The following ASIC2 variants were observed in gnomAD, a reference collection of about 807,000 sequenced individuals.
ASIC2 encodes acid sensing ion channel subunit 2.
ASIC2 carries 25 observed loss-of-function variants against 57.3 expected under a neutral mutation model. The observed-to-expected ratio is 0.44, with a 90% confidence interval of 0.32 to 0.61. The LOEUF (loss-of-function observed/expected upper bound fraction) is 0.61, where lower values mean the gene tolerates loss of function less well. ASIC2 is among the 20% of genes least tolerant of loss of function. ASIC2 has a pLI of 0.06. For missense variants in ASIC2, 641 were observed against 738.1 expected (o/e 0.87, Z 1.52); for synonymous variants, 319 against 307.5 (o/e 1.04, Z -0.39).
intron 1 of ASIC2, among the ~76,000 whole-genome samples, chr17:33,407,526 G>T (rs1325315221): frequency 6.6e-6 from 1 of 151,916 alleles, no homozygotes; most frequent in African/African-American, 2.4e-5. Context: ...CATCACTCAG[G>T]GCAAGTATGG....
intron 1 of ASIC2, among the ~76,000 whole-genome samples, chr17:33,437,069 G>T (rs1911649119): frequency 6.6e-6 from 1 of 151,208 alleles, no homozygotes; most frequent in South Asian, 2.1e-4. Flanking sequence ...GTTTCACCGT[G>T]TTAGCCAGGA....
At chr17:33,251,980 G>T (rs1908900053) in intron 1 of ASIC2, among the ~76,000 whole-genome samples, 1 of 152,188 alleles carries the variant, frequency 6.6e-6, no homozygotes, top group African/African-American at 2.4e-5. Flanking sequence ...CATGAACCCT[G>T]TGAGGTAAGC....
intron 1 of ASIC2, among the ~76,000 whole-genome samples, chr17:33,157,292 C>T (rs1000193911): frequency 6.6e-6 from 1 of 152,208 alleles, no homozygotes; most frequent in Non-Finnish European, 1.5e-5. Flanking sequence ...AGTTTTATTT[C>T]AGGCCAGCCT....
At chr17:33,607,966 A>G (rs913803005) in intron 1 of ASIC2, among the ~76,000 whole-genome samples, 20 of 152,166 alleles carry the variant, frequency 1.3e-4, no homozygotes, top group African/African-American at 3.9e-4. Flanking sequence ...TTTGCCTTCA[A>G]CCTAAAGGAT....
At chr17:34,013,970 G>A (rs955993270) in intron 1 of ASIC2, among the ~76,000 whole-genome samples, 2 of 152,150 alleles carry the variant, frequency 1.3e-5, no homozygotes, top group African/African-American at 4.8e-5. Context: ...GAGTCTGCCA[G>A]TCTATCCGGC....
intron 1 of ASIC2, among the ~76,000 whole-genome samples, chr17:33,388,905 G>A (rs541830357): frequency 3.2e-4 from 49 of 152,236 alleles, no homozygotes; most frequent in Non-Finnish European, 4.3e-4. Context: ...TGGCCTCTGC[G>A]GCCACATCAG....
chr17:33,520,509 C>T (rs12941035), intron 1 of ASIC2, among the ~76,000 whole-genome samples: 43,247 of 152,136 alleles, frequency 0.28, 7,778 homozygotes, highest in Non-Finnish European at 0.39. Context: ...GGTGAATGGC[C>T]ACCTGGGATT....
intron 1 of ASIC2, among the ~76,000 whole-genome samples, chr17:33,341,761 T>C (rs1257914571): frequency 1.3e-5 from 2 of 152,158 alleles, no homozygotes; most frequent in Non-Finnish European, 2.9e-5. Flanking sequence ...TCATTCTAAG[T>C]TGGGTTGTGG....
chr17:33,846,739 T>C (rs886161715), intron 1 of ASIC2, among the ~76,000 whole-genome samples: 6 of 151,160 alleles, frequency 4.0e-5, no homozygotes, highest in Admixed American at 3.3e-4. Flanking sequence ...TTTTTTTTTT[T>C]TTTGAGACGG....
chr17:33,093,002 A>G (rs1325231230), intron 2 of ASIC2, among the ~76,000 whole-genome samples: 3 of 152,090 alleles, frequency 2.0e-5, no homozygotes, highest in Non-Finnish European at 2.9e-5. Flanking sequence ...GCACCGCATA[A>G]TTCAGGAGGG....
chr17:34,131,482 G>T (rs1911956841), intron 1 of ASIC2, among the ~76,000 whole-genome samples: 1 of 152,086 alleles, frequency 6.6e-6, no homozygotes, highest in Admixed American at 6.5e-5. Context: ...CCACATAAAG[G>T]TTTCTGCCCC....
intron 1 of ASIC2, among the ~76,000 whole-genome samples, chr17:33,574,104 AG>A (rs1184425342): frequency 6.6e-6 from 1 of 152,218 alleles, no homozygotes; most frequent in Non-Finnish European, 1.5e-5. Flanking sequence ...CTGTTCGTTT[AG>A]GTGTATCTTT....
At chr17:33,310,767 C>T (rs1429253376) in intron 1 of ASIC2, among the ~76,000 whole-genome samples, 1 of 152,114 alleles carries the variant, frequency 6.6e-6, no homozygotes, top group Non-Finnish European at 1.5e-5. Flanking sequence ...GTTTGCAGTA[C>T]ACAAGATTAC....
chr17:33,420,450 A>G (rs890535240), intron 1 of ASIC2, among the ~76,000 whole-genome samples: 3 of 152,256 alleles, frequency 2.0e-5, no homozygotes, highest in African/African-American at 4.8e-5. Context: ...ACAGAATTCC[A>G]GTTGGAGAGA....
Position 34,084,296 on chromosome 17 carries a change from T to C in ASIC2, c.555+71682A>G, listed in dbSNP as rs1598015406. Among the ~76,000 whole-genome samples, 5 of 152,214 alleles carry C rather than the reference T, an allele frequency of 3.3e-5. No homozygotes were observed. The East Asian group carries it at 9.6e-4, about 29-fold the overall frequency. Reference sequence around the variant, plus strand: ...AGTTTTCCCAGCACCATTTATTAAATAGGGAATCCTTTCCCCATTGCTTGT... The same window carrying C: ...AGTTTTCCCAGCACCATTTATTAAACAGGGAATCCTTTCCCCATTGCTTGT... On this transcript the variant is annotated intron_variant, in intron 1 of 9. Coordinates refer to the ASIC2 transcript ENST00000359872.
intron 1 of ASIC2, among the ~76,000 whole-genome samples, chr17:34,151,151 G>A (rs867195461): frequency 4.6e-5 from 7 of 150,720 alleles, no homozygotes; most frequent in Non-Finnish European, 7.4e-5. Flanking sequence ...GGAAAGGTCC[G>A]TGAGTAAAGG....
At chr17:33,154,005 A>G (rs146518762) in intron 1 of ASIC2, among the ~76,000 whole-genome samples, 1 of 152,224 alleles carries the variant, frequency 6.6e-6, no homozygotes, top group East Asian at 1.9e-4. Context: ...TCTGGTCCCA[A>G]GGGTGCTCCT....
intron 1 of ASIC2, among the ~76,000 whole-genome samples, chr17:33,709,044 G>A (rs774279463): frequency 9.9e-5 from 15 of 152,184 alleles, no homozygotes; most frequent in South Asian, 4.1e-4. Context: ...CCTTTAAGCC[G>A]TCTGCCTGTT....
chr17:33,209,913 C>T (rs1179179510), intron 1 of ASIC2, among the ~76,000 whole-genome samples: 1 of 152,210 alleles, frequency 6.6e-6, no homozygotes. Flanking sequence ...ATTCACCTGG[C>T]TTCCCATAAA....
Sources: gnomAD v4.1 joint callset for allele counts (sites outside exome capture counted in the v4.1 genomes callset) on GRCh38, gnomAD v4.1.1 for gene constraint, MANE v1.5 for transcripts, NCBI Gene and HGNC (gene_info 2026-07-23, HGNC 2026-07-21) for gene names.